OSBPL8: variants seen among roughly 807,000 people sequenced by gnomAD.
OSBPL8 encodes the protein oxysterol binding protein like 8, also known as oxysterol-binding protein-related protein 8.
OSBPL8 carries 59 observed loss-of-function variants against 125.5 expected under a neutral mutation model. That is an observed-to-expected ratio of 0.47 (90% CI 0.38 to 0.58). OSBPL8 has a LOEUF of 0.58. Ranked by LOEUF, OSBPL8 falls within the 20% of genes least tolerant of loss-of-function variation. OSBPL8 has a pLI of 0.00. For synonymous variants in OSBPL8, 330 were observed against 338.9 expected (o/e 0.97, Z 0.29); for missense variants, 758 against 1,047.8 (o/e 0.72, Z 3.82).
At chr12:76,507,796 C>A (rs1880559168) in intron 1 of OSBPL8, among the ~76,000 whole-genome samples, 1 of 151,430 alleles carries the variant, frequency 6.6e-6, no homozygotes, top group Non-Finnish European at 1.5e-5. Context: ...TGCTCTTCAG[C>A]CTGGGCAACA....
chr12:76,475,286 T>TA (rs1378825258), intron 2 of OSBPL8, among the ~76,000 whole-genome samples: 62 of 152,306 alleles, frequency 4.1e-4, no homozygotes, highest in African/African-American at 1.5e-3. Flanking sequence ...ACAATACTTT[T>TA]AAAAAACCTT....
At chr12:76,464,160 A>G (rs187938714) in intron 2 of OSBPL8, among the ~76,000 whole-genome samples, 4 of 152,316 alleles carry the variant, frequency 2.6e-5, no homozygotes, top group Admixed American at 2.0e-4. Flanking sequence ...CCCCAGCTAC[A>G]TGGGAGGCTG....
At chr12:76,420,484 G>A (rs1022441598) in intron 4 of OSBPL8, among the ~76,000 whole-genome samples, 5 of 152,026 alleles carry the variant, frequency 3.3e-5, no homozygotes, top group Non-Finnish European at 7.4e-5. Flanking sequence ...TACAGGGGCA[G>A]GGGTGTCACA....
At chr12:76,376,551 T>G (rs923398292) in intron 16 of OSBPL8, among the ~76,000 whole-genome samples, 3 of 152,212 alleles carry the variant, frequency 2.0e-5, no homozygotes, top group Non-Finnish European at 4.4e-5. Flanking sequence ...TAAAAAATTT[T>G]CCCTATTGTA....
intron 2 of OSBPL8, among the ~76,000 whole-genome samples, chr12:76,478,857 G>T (rs1201389524): frequency 1.3e-5 from 2 of 152,082 alleles, no homozygotes; most frequent in African/African-American, 4.8e-5. Context: ...AGGCCGAGGC[G>T]GGTGGATCAT....
At chr12:76,445,411 A>G (rs1285667842) in intron 4 of OSBPL8, among the ~76,000 whole-genome samples, 2 of 152,176 alleles carry the variant, frequency 1.3e-5, no homozygotes, top group Non-Finnish European at 2.9e-5. Flanking sequence ...ATCTGCTCTT[A>G]GAAAGAAAGC....
At chr12:76,408,236 C>G (rs1271722548) in intron 5 of OSBPL8, among the ~76,000 whole-genome samples, 1 of 150,036 alleles carries the variant, frequency 6.7e-6, no homozygotes, top group Non-Finnish European at 1.5e-5. Flanking sequence ...CCGAGGCGGG[C>G]AGATTACAAG....
At chr12:76,413,421 GATTGTTCCTA>G (rs1356066110) in intron 4 of OSBPL8, among the ~76,000 whole-genome samples, 1 of 152,106 alleles carries the variant, frequency 6.6e-6, no homozygotes, top group Non-Finnish European at 1.5e-5. Context: ...CAGACACTTG[GATTGTTCCTA>G]ATTTTCCCCT....
chr12:76,367,778 C>G (rs1340998954), intron 21 of OSBPL8, among the ~76,000 whole-genome samples: 1 of 152,154 alleles, frequency 6.6e-6, no homozygotes, highest in Non-Finnish European at 1.5e-5. Flanking sequence ...CTACAACAAT[C>G]TAGTTTGAGT....
chr12:76,421,370 T>C (rs1366953239), intron 4 of OSBPL8, among the ~76,000 whole-genome samples: 2 of 152,038 alleles, frequency 1.3e-5, no homozygotes, highest in African/African-American at 4.8e-5. Context: ...TTAATATGGA[T>C]TGAGTGCTAT....
intron 4 of OSBPL8, among the ~76,000 whole-genome samples, chr12:76,438,191 T>C (rs1385467328): frequency 6.6e-6 from 1 of 152,100 alleles, no homozygotes; most frequent in Non-Finnish European, 1.5e-5. Flanking sequence ...TTTCACCGTG[T>C]TAGCCAGGAT....
At chr12:76,369,147 G>A in intron 21 of OSBPL8, 67 bp downstream of exon 21, 2 of 1,532,946 alleles carry the variant, frequency 1.3e-6, no homozygotes, top group South Asian at 2.5e-5. Flanking sequence ...AATTTTAGTT[G>A]GTTGCTATAG....
chr12:76,554,719 C>G (rs1951044949), intron 1 of OSBPL8, among the ~76,000 whole-genome samples: 1 of 152,138 alleles, frequency 6.6e-6, no homozygotes, highest in Non-Finnish European at 1.5e-5. Context: ...TTTTCAAAAA[C>G]TCTAAATCAA....
At chr12:76,370,116 T>C (rs906825773) in intron 19 of OSBPL8, among the ~76,000 whole-genome samples, 2 of 152,156 alleles carry the variant, frequency 1.3e-5, no homozygotes, top group Non-Finnish European at 2.9e-5. Flanking sequence ...CTCAAGATGA[T>C]AGGATGTAAT....
intron 21 of OSBPL8, among the ~76,000 whole-genome samples, chr12:76,365,055 A>C (rs1330867304): frequency 6.6e-6 from 1 of 152,132 alleles, no homozygotes; most frequent in East Asian, 1.9e-4. Flanking sequence ...CTCTGGGCTC[A>C]CGTGATCCTC....
At chr12:76,557,803 G>T (rs888503174) in intron 1 of OSBPL8, among the ~76,000 whole-genome samples, 5 of 152,112 alleles carry the variant, frequency 3.3e-5, no homozygotes, top group Non-Finnish European at 7.3e-5. Flanking sequence ...TAAGTACCCT[G>T]AATGTGTTAT....
chr12:76,438,365 C>T (rs1430802211), intron 4 of OSBPL8, among the ~76,000 whole-genome samples: 3 of 150,180 alleles, frequency 2.0e-5, no homozygotes, highest in African/African-American at 4.9e-5. Context: ...AGCAGTGGTG[C>T]GATTACGGCT....
At chr12:76,537,374 G>A (rs541035731) in intron 1 of OSBPL8, among the ~76,000 whole-genome samples, 92 of 152,252 alleles carry the variant, frequency 6.0e-4, no homozygotes, top group African/African-American at 2.2e-3. Context: ...ACATTTAAAC[G>A]TGTTTAATTA....
chr12:76,554,915 A>G (rs971617175), intron 1 of OSBPL8, among the ~76,000 whole-genome samples: 3 of 152,206 alleles, frequency 2.0e-5, no homozygotes, highest in African/African-American at 7.2e-5. Flanking sequence ...TCTTCCAAAT[A>G]TTATACAAAG....
Sources: allele counts gnomAD v4.1 joint callset (sites outside exome capture counted in the v4.1 genomes callset), GRCh38; gene constraint gnomAD v4.1.1; transcripts MANE v1.5; gene names NCBI Gene and HGNC (gene_info 2026-07-23, HGNC 2026-07-21).